PKLR: variants seen among roughly 807,000 people sequenced by gnomAD.
The protein encoded by PKLR is pyruvate kinase PKLR.
PKLR carries 38 observed loss-of-function variants against 53.6 expected under a neutral mutation model. The ratio of observed to expected loss-of-function variants is 0.71; its 90% CI spans 0.55 to 0.93. The LOEUF (loss-of-function observed/expected upper bound fraction) is 0.93, where lower values mean the gene tolerates loss of function less well. Ranked by LOEUF, PKLR falls within the 40% of genes least tolerant of loss-of-function variation. The pLI, the probability that PKLR is intolerant of heterozygous loss-of-function variation, is 0.00. For synonymous variants in PKLR, 328 were observed against 316.2 expected (o/e 1.04, Z -0.39); for missense variants, 702 against 787.3 (o/e 0.89, Z 1.30).
chr1:155,294,028 G>A (rs770049381), intron 7 of PKLR, among the ~76,000 whole-genome samples: 7 of 152,238 alleles, frequency 4.6e-5, no homozygotes, highest in Non-Finnish European at 1.0e-4. Context: ...CACTACTTGG[G>A]AGGCTGAGGC....
upstream of PKLR, among the ~76,000 whole-genome samples, chr1:155,304,604 G>T (rs987404351): frequency 1.3e-5 from 2 of 152,138 alleles, no homozygotes; most frequent in African/African-American, 4.8e-5. Context: ...AGAGTGGAAC[G>T]GCAAAACAGC....
Position 155,294,688 on chromosome 1 carries a change from G to A in PKLR, c.759C>T (p.Asn253=), listed in dbSNP as rs780539049. 6.2e-7 allele frequency: 1 copy of A among 1,614,050 alleles called. No individual in the cohort carries two copies. Among genetic ancestry groups the A allele is most frequent in the Non-Finnish European group, 8.5e-7 (1 of 1,180,030 alleles). ...GCAAGTCCACCTGGGCCCCTGGCAA[G>A]TTCACGCCCTTCCGGCTGCCCAGGA... ...GGVLGSRKGV[N]LPGAQVDLPG... is the part of the protein sequence containing the mutation. The change falls in exon 6 of 11, where the codon AAC becomes AAT. Residue 253 remains asparagine (N), a synonymous_variant. Coordinates refer to ENST00000342741, the MANE Select transcript of PKLR (RefSeq NM_000298.6).
chr1:155,292,248 AAAAG>A (rs1214271199), intron 9 of PKLR, among the ~76,000 whole-genome samples: 2 of 151,918 alleles, frequency 1.3e-5, no homozygotes, highest in Non-Finnish European at 2.9e-5. Context: ...TAAGAAAAAA[AAAAG>A]AAAGAATGCC....
chr1:155,294,316 T>C lies in PKLR; in HGVS notation c.1035A>G (p.Pro345=), dbSNP rs1036800305. The part of the protein sequence containing the change: ...VARGDLGIEI[P]AEKVFLAQKM... ...TCTGAGCCAGGAAAACCTTCTCTGC[T>C]GGGATCTCGATGCCTAGGTCCCCCC... Residue 345 remains proline, a synonymous_variant, in exon 7 of 11, where the codon CCA becomes CCG. Transcript: ENST00000342741. 8.1e-6 allele frequency: 13 copies of C among 1,613,980 alleles called. No homozygotes were observed. The African/African-American group carries it at 1.5e-4, about 18-fold the overall frequency.
chr1:155,294,165 A>G, intron 7 of PKLR, 70 bp downstream of exon 7: 5 of 1,450,044 alleles, frequency 3.4e-6, no homozygotes, highest in South Asian at 1.1e-5. Flanking sequence ...AAACCCCTAC[A>G]GTGTGGGTAT....
At position 155,299,047 on chromosome 1, in the gene PKLR, T is replaced by TC. The variant is rs1178930531; in HGVS notation, c.283+1050dup. On this transcript the variant is annotated intron_variant, in intron 2 of 10. Transcript: ENST00000342741. Reference sequence around the variant, plus strand: ...CTTTCTTTCTTTCTCTTTCTTTCTTTCTTTCCTTCCTTCCTTCCTTCCTTC... The same window carrying TC: ...CTTTCTTTCTTTCTCTTTCTTTCTTTCCTTTCCTTCCTTCCTTCCTTCCTTC... Among the ~76,000 whole-genome samples the TC allele has an allele frequency of 1.2e-4, 15 of 129,188 alleles. 2 individuals are homozygous for TC. Among genetic ancestry groups the TC allele is most frequent in the East Asian group, 5.5e-4 (2 of 3,652 alleles). The allele number at this position is 129,188 out of a possible 152,430, so 84.8% of individuals were successfully genotyped here.
At chr1:155,299,211 C>G (rs1174970644) in intron 2 of PKLR, among the ~76,000 whole-genome samples, 1 of 136,902 alleles carries the variant, frequency 7.3e-6, no homozygotes, top group Admixed American at 7.9e-5. Context: ...CTCTCTTTCT[C>G]TCTAGGGTCT....
At position 155,294,707 on chromosome 1, in the gene PKLR, C is replaced by T. The variant is rs1443489252; in HGVS notation, c.740G>A (p.Gly247Asp). ...TGGCAAGTTCACGCCCTTCCGGCTG[C>T]CCAGGACGCCGCCGTTCTCCACTTG... The part of the protein sequence containing the change: ...VTQVENGGVL[G>D]SRKGVNLPGA... The change falls in exon 6 of 11, where the codon GGC (glycine) becomes GAC (aspartate). Residue 247 changes from glycine to aspartate, a missense_variant. Coordinates refer to ENST00000342741, the MANE Select transcript of PKLR (RefSeq NM_000298.6). 2.5e-6 allele frequency: 4 copies of T among 1,613,854 alleles called. No homozygotes were observed. Among genetic ancestry groups the T allele is most frequent in the Non-Finnish European group, 3.4e-6 (4 of 1,180,030 alleles).
chr1:155,290,805 A>G lies in PKLR; in HGVS notation c.1619-127T>C, dbSNP rs138436282. On this transcript the variant is annotated intron_variant, in intron 10 of 10. Coordinates refer to ENST00000342741, the MANE Select transcript of PKLR (RefSeq NM_000298.6). ...GGAGTTTGAGACCAGCCTGGCCAACATGGTGAAACCTTGTCTCTACTGAAA... is the reference window on the plus strand; with the variant it reads ...GGAGTTTGAGACCAGCCTGGCCAACGTGGTGAAACCTTGTCTCTACTGAAA... The G allele has an allele frequency of 7.3e-3, 4,954 of 682,204 alleles. 186 individuals carry two copies. In the African/African-American group the frequency reaches 0.078, roughly 11 times the overall value. The allele number at this position is 682,204 out of a possible 1,614,324, so 42.3% of individuals were successfully genotyped here. A position where few individuals can be genotyped will look rare whatever the true frequency, so the allele number is the denominator to read the frequency against.
At position 155,295,105 on chromosome 1, in the gene PKLR, C is replaced by T. The variant is rs1359937138; in HGVS notation, c.694+11G>A. 2 of 1,613,232 alleles carry T rather than the reference C, an allele frequency of 1.2e-6. No homozygotes were observed. The highest frequency in any genetic ancestry group is 2.7e-5 in the African/African-American group (2 of 74,906). ...GCACGGATGTGGTCAGGGCGGGAGGCGCGTCCGCACCGATTTTCTGGACCA... is the reference window on the plus strand; with the variant it reads ...GCACGGATGTGGTCAGGGCGGGAGGTGCGTCCGCACCGATTTTCTGGACCA... On this transcript the variant is annotated intron_variant, in intron 5 of 10. Coordinates refer to ENST00000342741, the MANE Select transcript of PKLR (RefSeq NM_000298.6). This position sits in a 1 kb window ranked among gnomAD's most constrained non-coding sequence, Gnocchi z 4.3.
chr1:155,293,189 G>T lies in PKLR; in HGVS notation c.1424C>A (p.Thr475Asn). The stretch of plus-strand genomic sequence containing the variant: ...ATATCCCCCTCACCGGCCAGTTGTG[G>T]TCAGCACAATGATGGCAGCAGCACA... ...KCCAAAIIVL[T>N]TTGRSAQLLS... The change falls in exon 9 of 11, where the codon ACC (threonine) becomes AAC (asparagine). Residue 475 changes from threonine to asparagine, a missense_variant. Transcript: ENST00000342741. The surrounding 1 kb of genome is among the most constrained non-coding windows in gnomAD (Gnocchi z 4.2). 6.2e-7 allele frequency: 1 copy of T among 1,614,112 alleles called. No homozygotes were observed. The highest frequency in any genetic ancestry group is 1.1e-5 in the South Asian group (1 of 91,078).
chr1:155,301,896 A>G (rs867180955), upstream of PKLR, among the ~76,000 whole-genome samples: 1 of 152,078 alleles, frequency 6.6e-6, no homozygotes, highest in African/African-American at 2.4e-5. Flanking sequence ...TACATGTTTG[A>G]ACCCAAGATG....
In PKLR at chr1:155,289,616, G is replaced by A. The variant is rs1359809550; in HGVS notation, c.*956C>T. The A allele has an allele frequency of 6.6e-6, 1 of 152,542 alleles. No individual in the cohort carries two copies. Among genetic ancestry groups the A allele is most frequent in the African/African-American group, 2.4e-5 (1 of 41,456 alleles). 9.4% of individuals were successfully genotyped at this position (152,542 alleles called of 1,614,324 possible). ...TAAGGGAAAGGCCCAAGGTATCCAA[G>A]CCTGGGGAAGGGCAGGCCAGCCAGC... On this transcript the variant is annotated 3_prime_UTR_variant, in exon 11 of 11. Transcript: ENST00000342741.
At chr1:155,291,037 TAATAAA>T (rs1206598563) in intron 10 of PKLR, among the ~76,000 whole-genome samples, 10 of 99,338 alleles carry the variant, frequency 1.0e-4, no homozygotes, top group Non-Finnish European at 1.5e-4. Flanking sequence ...ATAATAATAA[TAATAAA>T]AGAAGAAAAG....
chr1:155,300,744 T>G, intron 1 of PKLR: 2 of 991,532 alleles, frequency 2.0e-6, no homozygotes, highest in Non-Finnish European at 3.1e-6. Context: ...GTTTTCTCCC[T>G]TCCAACCCCT....
chr1:155,305,348 C>T (rs1420574327), upstream of PKLR, among the ~76,000 whole-genome samples: 4 of 152,062 alleles, frequency 2.6e-5, no homozygotes, highest in East Asian at 1.9e-4. Flanking sequence ...CTCCAGAGCC[C>T]GAGCTGTAAC....
In PKLR at chr1:155,295,106, G is replaced by A; in HGVS notation, c.694+10C>T. ...CACGGATGTGGTCAGGGCGGGAGGC[G>A]CGTCCGCACCGATTTTCTGGACCAC... On this transcript the variant is annotated intron_variant, in intron 5 of 10. Transcript: ENST00000342741. This position sits in a 1 kb window ranked among gnomAD's most constrained non-coding sequence, Gnocchi z 4.3. 3 of 1,613,496 alleles carry A rather than the reference G, an allele frequency of 1.9e-6. No individual in the cohort carries two copies. The highest frequency in any genetic ancestry group is 2.5e-6 in the Non-Finnish European group (3 of 1,179,724).
rs767981692 is a variant in PKLR at position 155,293,456 on chromosome 1, C to T, written c.1251G>A (p.Ala417=). 18 of 1,614,124 alleles carry T rather than the reference C, an allele frequency of 1.1e-5. No individual in the cohort carries two copies. The highest frequency in any genetic ancestry group is 3.3e-5 in the Admixed American group (2 of 60,016). ...CTCCTACCGCATGCTGCATCTTCAC[C>T]GCTTCCACAGGGAAGTTGCCCTTGG... ...ETAKGNFPVE[A]VKMQHAIARE... is the part of the protein sequence containing the mutation. Residue 417 remains alanine, a synonymous_variant, in exon 8 of 11, where the codon GCG becomes GCA. Transcript: ENST00000342741. The surrounding 1 kb of genome is among the most constrained non-coding windows in gnomAD (Gnocchi z 4.2).
chr1:155,294,089 C>T (rs1319984637), intron 7 of PKLR, 146 bp downstream of exon 7: 56 of 898,386 alleles, frequency 6.2e-5, no homozygotes, highest in South Asian at 3.7e-4. Context: ...GCGGAGATTG[C>T]GCCACTGCAC....
Sources: gnomAD v4.1 joint callset for allele counts (sites outside exome capture counted in the v4.1 genomes callset) on GRCh38, gnomAD v4.1.1 for gene constraint, Gnocchi (gnomAD v3.1) non-coding constraint, MANE v1.5 for transcripts, NCBI Gene and HGNC (gene_info 2026-07-23, HGNC 2026-07-21) for gene names.